Variants in TMEM80 observed in about 807,000 individuals in gnomAD.
The protein encoded by TMEM80 is transmembrane protein 80.
Under a neutral mutation model 13.6 loss-of-function variants are expected in TMEM80, and 16 were observed. The ratio of observed to expected loss-of-function variants is 1.17; its 90% CI spans 0.79 to 1.78. The LOEUF is 1.78. TMEM80 is among the 40% of genes most tolerant of loss of function. TMEM80 has a pLI of 0.00. For synonymous variants in TMEM80, 92 were observed against 89.5 expected (o/e 1.03, Z -0.16); for missense variants, 167 against 184.6 (o/e 0.90, Z 0.55).
chr11:700,912 G>C (rs1861425533), intron 4 of TMEM80: 1 of 609,338 alleles, frequency 1.6e-6, no homozygotes, highest in Non-Finnish European at 2.9e-6. Flanking sequence ...AACACTGGGG[G>C]CATCGTTGGG....
Position 703,882 on chromosome 11 carries a change from C to T in TMEM80, c.*732C>T, listed in dbSNP as rs954099373. The T allele has an allele frequency of 7.3e-6, 9 of 1,239,138 alleles. No homozygotes were observed. The highest frequency in any genetic ancestry group is 3.1e-5 in the African/African-American group (2 of 64,588). The allele number at this position is 1,239,138 out of a possible 1,614,324, so 76.8% of individuals were successfully genotyped here. A position where few individuals can be genotyped will look rare whatever the true frequency, so the allele number is the denominator to read the frequency against. On this transcript the variant is annotated 3_prime_UTR_variant, in exon 5 of 5. Transcript: ENST00000397510. ...AGCGGAGGGCCACATTCGGAGCCTC[C>T]GTCCACTCCAGTTTTATCAGCTTTT...
Position 704,121 on chromosome 11 carries a change from C to T in TMEM80, c.*971C>T. On this transcript the variant is annotated 3_prime_UTR_variant, in exon 5 of 5. Coordinates refer to ENST00000397510, the MANE Select transcript of TMEM80 (RefSeq NM_001042463.3). ...TTTGTAAATAAAGAGATGTGTATGC[C>T]TCCCTGAATTCTCCTAATTATGGCC... 1 of 1,122,430 alleles carries T rather than the reference C, an allele frequency of 8.9e-7. No individual in the cohort carries two copies. 69.5% of individuals were successfully genotyped at this position (1,122,430 alleles called of 1,614,324 possible). A position where few individuals can be genotyped will look rare whatever the true frequency, so the allele number is the denominator to read the frequency against.
chr11:698,943 C>T (rs1354625565), intron 2 of TMEM80, 55 bp downstream of exon 2: 1 of 1,608,002 alleles, frequency 6.2e-7, no homozygotes, highest in African/African-American at 1.3e-5. Context: ...ATTGCTGCTG[C>T]ACAGAGAGCA....
In TMEM80 at chr11:703,955, C is replaced by T. The variant is rs1188692317; in HGVS notation, c.*805C>T. The stretch of plus-strand genomic sequence containing the variant: ...CAAATTCTAGCTCTGTGTTTTTTTC[C>T]CATTCCCAGATTTACTATCAGTTCT... On this transcript the variant is annotated 3_prime_UTR_variant, in exon 5 of 5. Coordinates refer to ENST00000397510, the MANE Select transcript of TMEM80 (RefSeq NM_001042463.3). 2.7e-5 allele frequency: 34 copies of T among 1,239,170 alleles called. No homozygotes were observed. Among genetic ancestry groups the T allele is most frequent in the Non-Finnish European group, 3.2e-5 (32 of 992,494 alleles). The allele number at this position is 1,239,170 out of a possible 1,614,324, so 76.8% of individuals were successfully genotyped here.
rs774064549 is a variant in TMEM80 at position 700,662 on chromosome 11, C to T, written c.181C>T (p.Leu61=). The T allele has an allele frequency of 6.2e-7, 1 of 1,614,110 alleles. No individual in the cohort carries two copies. Among genetic ancestry groups the T allele is most frequent in the Non-Finnish European group, 8.5e-7 (1 of 1,180,030 alleles). The part of the protein sequence containing the change: ...PHRYLVLDLA[L]LFLMGILEAV... Reference sequence around the variant, plus strand: ...CCGCTACCTGGTCCTCGATCTTGCTCTGCTGTTTCTGATGGGGATTCTAGA... The same window carrying T: ...CCGCTACCTGGTCCTCGATCTTGCTTTGCTGTTTCTGATGGGGATTCTAGA... The change falls in exon 4 of 5, where the codon CTG becomes TTG. Residue 61 remains leucine (L), a synonymous_variant. Transcript: ENST00000397510.
At chr11:704,457 G>A, downstream of TMEM80, 12 of 1,289,332 alleles carry the variant, frequency 9.3e-6, no homozygotes, top group Non-Finnish European at 1.2e-5. Context: ...ACGGTGAGCT[G>A]CAGGACAGCC....
upstream of TMEM80, chr11:695,702 T>G: frequency 1.6e-6 from 2 of 1,242,066 alleles, no homozygotes. Flanking sequence ...GGCTCGGACG[T>G]CCGCTCCCGA....
In TMEM80 at chr11:700,181, G is replaced by A. The variant is rs143901821; in HGVS notation, c.79G>A (p.Gly27Arg). 584 of 1,614,128 alleles carry A rather than the reference G, an allele frequency of 3.6e-4. No individual in the cohort carries two copies. Among genetic ancestry groups the A allele is most frequent in the Admixed American group, 6.7e-4 (40 of 60,022 alleles). The change falls in exon 3 of 5, where the codon GGA (glycine) becomes AGA (arginine). Residue 27 changes from glycine to arginine, a missense_variant. By Grantham distance (125) the Gly-to-Arg change is moderately radical. Transcript: ENST00000397510. ...CCTTCAAATGCTGTTTTATCTCAGC[G>A]GAACGTACTACGCCCTGTATTTCCT... ...VPLQMLFYLS[G>R]TYYALYFLAT...
Position 704,005 on chromosome 11 carries a change from C to A in TMEM80, c.*855C>A. 6.6e-6 allele frequency: 8 copies of A among 1,214,756 alleles called. No homozygotes were observed. The highest frequency in any genetic ancestry group is 1.6e-5 in the African/African-American group (1 of 64,196). The allele number at this position is 1,214,756 out of a possible 1,614,324, so 75.2% of individuals were successfully genotyped here. ...TCCTTAAAAAGTATCTAAGCTGTTA[C>A]AGTAGCTTTCCCTTCACTTGATTCT... is the stretch of plus-strand genomic sequence containing the variant. On this transcript the variant is annotated 3_prime_UTR_variant, in exon 5 of 5. Transcript: ENST00000397510.
Position 703,070 on chromosome 11 carries a change from G to C in TMEM80, c.352G>C (p.Ala118Pro). 1 of 1,612,658 alleles carries C rather than the reference G, an allele frequency of 6.2e-7. No homozygotes were observed. Among genetic ancestry groups the C allele is most frequent in the Non-Finnish European group, 8.5e-7 (1 of 1,179,730 alleles). Reference protein sequence around the residue: ...WQALVLWADWALSATLLALHG... With the variant: ...WQALVLWADWPLSATLLALHG... The stretch of plus-strand genomic sequence containing the variant: ...GGCCCTAGTGTTGTGGGCGGACTGG[G>C]CCCTCAGCGCCACGCTCCTGGCCCT... The change falls in exon 5 of 5, where the codon GCC (alanine) becomes CCC (proline). Residue 118 changes from alanine to proline, a missense_variant. Transcript: ENST00000397510.
intron 4 of TMEM80, among the ~76,000 whole-genome samples, chr11:701,722 C>CACTAT (rs1564963184): frequency 2.6e-5 from 4 of 152,006 alleles, no homozygotes; most frequent in Non-Finnish European, 5.9e-5. Flanking sequence ...GACAGGGTTT[C>CACTAT]GCTATGTTAC....
intron 1 of TMEM80, 46 bp from the exon 2 acceptor site, chr11:698,823 A>G: frequency 6.2e-7 from 1 of 1,613,384 alleles, no homozygotes; most frequent in Non-Finnish European, 8.5e-7. Context: ...CCGGGAAAGC[A>G]TCCTGGTGGC....
At chr11:699,825 C>A in intron 2 of TMEM80, 1 of 307,722 alleles carries the variant, frequency 3.2e-6, no homozygotes, top group South Asian at 7.3e-5. Context: ...AGGGTGACAT[C>A]ACTGGGGATG....
At position 703,397 on chromosome 11, in the gene TMEM80, A is replaced by G; in HGVS notation, c.*247A>G. On this transcript the variant is annotated 3_prime_UTR_variant, in exon 5 of 5. Coordinates refer to ENST00000397510, the MANE Select transcript of TMEM80 (RefSeq NM_001042463.3). Reference sequence around the variant, plus strand: ...GGGACCAGACAGAACTGCCTTCAAGATGAGTCCCAGGAGCGCACACTCAGC... The same window carrying G: ...GGGACCAGACAGAACTGCCTTCAAGGTGAGTCCCAGGAGCGCACACTCAGC... 5.1e-6 allele frequency: 7 copies of G among 1,363,122 alleles called. No individual in the cohort carries two copies. Among genetic ancestry groups the G allele is most frequent in the Non-Finnish European group, 6.6e-6 (7 of 1,063,458 alleles). The allele number at this position is 1,363,122 out of a possible 1,614,324, so 84.4% of individuals were successfully genotyped here. A position where few individuals can be genotyped will look rare whatever the true frequency, so the allele number is the denominator to read the frequency against.
At position 703,233 on chromosome 11, in the gene TMEM80, A is replaced by G. The variant is rs1052805279; in HGVS notation, c.*83A>G. 8.9e-5 allele frequency: 131 copies of G among 1,478,214 alleles called. No homozygotes were observed. Among genetic ancestry groups the G allele is most frequent in the Non-Finnish European group, 1.1e-4 (119 of 1,107,700 alleles). 91.6% of individuals were successfully genotyped at this position (1,478,214 alleles called of 1,614,324 possible). A position where few individuals can be genotyped will look rare whatever the true frequency, so the allele number is the denominator to read the frequency against. Reference sequence around the variant, plus strand: ...CCAGCTGTCACCTCCCCATTCCTGGACAGGAAGGGCACTTTTCCTAGTGAC... The same window carrying G: ...CCAGCTGTCACCTCCCCATTCCTGGGCAGGAAGGGCACTTTTCCTAGTGAC... On this transcript the variant is annotated 3_prime_UTR_variant, in exon 5 of 5. Transcript: ENST00000397510.
At chr11:701,250 G>T (rs1861449817) in intron 4 of TMEM80, 1 of 160,292 alleles carries the variant, frequency 6.2e-6, no homozygotes, top group African/African-American at 2.4e-5. Context: ...TGCAGTCACA[G>T]CTCACTGCAG....
At chr11:704,708 G>A (rs190201088), downstream of TMEM80, 46 of 1,229,276 alleles carry the variant, frequency 3.7e-5, no homozygotes, top group East Asian at 2.4e-3. Context: ...GTTCCACAGG[G>A]AACGCCATGG....
intron 1 of TMEM80, among the ~76,000 whole-genome samples, chr11:696,869 C>T (rs895219822): frequency 2.0e-5 from 3 of 148,720 alleles, no homozygotes; most frequent in Non-Finnish European, 3.0e-5. Context: ...CACCTGAGGT[C>T]GAGGGTTCAA....
chr11:704,146 C>G (rs898712948), downstream of TMEM80: 1 of 1,102,394 alleles, frequency 9.1e-7, no homozygotes, highest in African/African-American at 1.6e-5. Context: ...TAATTATGGC[C>G]ACCTCCCCCA....
Sources: allele counts gnomAD v4.1 joint callset (sites outside exome capture counted in the v4.1 genomes callset), GRCh38; gene constraint gnomAD v4.1.1; transcripts MANE v1.5; gene names NCBI Gene and HGNC (gene_info 2026-07-23, HGNC 2026-07-21).